The following CCNJL variants were observed in gnomAD, a reference collection of about 807,000 sequenced individuals.
CCNJL encodes the protein cyclin-J-like protein.
In CCNJL, 33 loss-of-function variants were observed where a neutral mutation model predicts 33.4. The ratio of observed to expected loss-of-function variants is 0.99; its 90% CI spans 0.75 to 1.32. CCNJL has a LOEUF of 1.32. Among genes scored for constraint, CCNJL ranks in the 40% most tolerant of loss-of-function variants. The pLI is 0.00. For synonymous variants in CCNJL, 227 were observed against 220.9 expected (o/e 1.03, Z -0.24); for missense variants, 512 against 499.7 (o/e 1.02, Z -0.23).
chr5:160,331,101 C>T lies in CCNJL; in HGVS notation n.206+8344G>A, dbSNP rs377195267. ...GGTCTTGCACCATCCATGGTCTCAGCGTCCAATAACTCCTCGACCACTCAC... is the reference window on the plus strand; with the variant it reads ...GGTCTTGCACCATCCATGGTCTCAGTGTCCAATAACTCCTCGACCACTCAC... On this transcript the variant is annotated intron_variant and non_coding_transcript_variant, in intron 1 of 7. Coordinates refer to the CCNJL transcript ENST00000377503. Among the ~76,000 whole-genome samples the T allele has an allele frequency of 3.3e-3, 506 of 152,266 alleles. 9 individuals carry two copies. Among genetic ancestry groups the T allele is most frequent in the African/African-American group, 0.011 (476 of 41,558 alleles).
chr5:160,267,673 C>G (rs1580962637), intron 3 of CCNJL, among the ~76,000 whole-genome samples: 1 of 152,090 alleles, frequency 6.6e-6, no homozygotes, highest in Non-Finnish European at 1.5e-5. Context: ...CAGCTTCACC[C>G]CATCTAACCG....
chr5:160,327,178 T>C (rs1335985473), intron 1 of CCNJL, among the ~76,000 whole-genome samples: 2 of 152,006 alleles, frequency 1.3e-5, no homozygotes, highest in African/African-American at 2.4e-5. Context: ...ACTCCAGCTG[T>C]GCCACCTATG....
intron 3 of CCNJL, among the ~76,000 whole-genome samples, chr5:160,275,322 G>C (rs1342708540): frequency 1.3e-5 from 2 of 152,040 alleles, no homozygotes; most frequent in Non-Finnish European, 2.9e-5. Context: ...CTGATCTCAA[G>C]TGATCTGCCC....
At chr5:160,334,299 C>T (rs1314695641) in intron 1 of CCNJL, among the ~76,000 whole-genome samples, 2 of 152,134 alleles carry the variant, frequency 1.3e-5, no homozygotes, top group Admixed American at 6.5e-5. Context: ...TGCCTACTCT[C>T]GATTCATGAT....
chr5:160,300,484 A>G (rs527289295), intron 2 of CCNJL, among the ~76,000 whole-genome samples: 4 of 152,318 alleles, frequency 2.6e-5, no homozygotes, highest in African/African-American at 9.6e-5. Context: ...GACAACTTTA[A>G]ATGTGGCAAG....
At chr5:160,320,846 T>C (rs866799886) in intron 1 of CCNJL, among the ~76,000 whole-genome samples, 2,745 of 78,176 alleles carry the variant, frequency 0.035, 13 homozygotes, top group Middle Eastern at 0.086. Context: ...TCTTTCTTTC[T>C]TTCCTTCTTT....
intron 2 of CCNJL, chr5:160,295,103 G>C (rs1345672653): frequency 6.6e-6 from 1 of 152,254 alleles, no homozygotes; most frequent in Non-Finnish European, 1.5e-5. Context: ...ATCCCCTGGG[G>C]ACCTATTTAA....
At chr5:160,263,187 G>A (rs1580954833) in intron 3 of CCNJL, among the ~76,000 whole-genome samples, 1 of 152,240 alleles carries the variant, frequency 6.6e-6, no homozygotes, top group East Asian at 1.9e-4. Context: ...GGTTTTGTTA[G>A]ACCATTTCTA....
chr5:160,259,888 G>T, intron 3 of CCNJL, 117 bp from the exon 4 acceptor site: 1 of 825,676 alleles, frequency 1.2e-6, no homozygotes, highest in Non-Finnish European at 2.0e-6. Flanking sequence ...AAAGCAGACA[G>T]GCCAGACTGC....
intron 2 of CCNJL, among the ~76,000 whole-genome samples, chr5:160,303,720 GTGTGTGTCT>G (rs1561804144): frequency 1.1e-5 from 1 of 87,842 alleles, no homozygotes; most frequent in Admixed American, 1.2e-4. Flanking sequence ...GTGTGTGTGT[GTGTGTGTCT>G]GTGTGTGTGT....
intron 3 of CCNJL, among the ~76,000 whole-genome samples, chr5:160,273,708 G>A (rs144903786): frequency 0.01 from 1,444 of 143,798 alleles, 22 homozygotes; most frequent in African/African-American, 0.035. Context: ...GTACAGTGGC[G>A]CGATCTTGGC....
At chr5:160,313,484 C>A (rs1015337982), upstream of CCNJL, among the ~76,000 whole-genome samples, 1 of 152,162 alleles carries the variant, frequency 6.6e-6, no homozygotes. Context: ...ACTCAGTAAA[C>A]AACTGTGACT....
chr5:160,266,488 C>T (rs1761593621), intron 3 of CCNJL, among the ~76,000 whole-genome samples: 1 of 152,180 alleles, frequency 6.6e-6, no homozygotes, highest in African/African-American at 2.4e-5. Context: ...CAGAAACAGG[C>T]AGGAATGTCC....
In CCNJL at chr5:160,282,310, A is replaced by G. The variant is rs1011485639; in HGVS notation, c.67-1572T>C. Among the ~76,000 whole-genome samples the G allele has an allele frequency of 4.0e-5, 6 of 151,706 alleles. 1 individual carries two copies. In the South Asian group the frequency reaches 1.2e-3, roughly 31 times the overall value. On this transcript the variant is annotated intron_variant, in intron 2 of 5. Coordinates refer to ENST00000257536, the MANE Select transcript of CCNJL (RefSeq NM_001308173.3). ...CTAGGCACTGGGGATGCAATCTGGA[A>G]TAAGATAGACATAGACATAAACGTT... is the stretch of plus-strand genomic sequence containing the variant.
chr5:160,328,403 G>T (rs1411712273), intron 1 of CCNJL, among the ~76,000 whole-genome samples: 1 of 152,116 alleles, frequency 6.6e-6, no homozygotes, highest in Non-Finnish European at 1.5e-5. Context: ...CCGGTGGCTT[G>T]GACTGGTGTT....
upstream of CCNJL, among the ~76,000 whole-genome samples, chr5:160,313,974 A>T (rs1278539870): frequency 6.6e-6 from 1 of 152,228 alleles, no homozygotes; most frequent in African/African-American, 2.4e-5. Flanking sequence ...TTGAGACCAA[A>T]CTGGCTAACA....
chr5:160,281,640 ATTTGTTTGTTTG>A lies in CCNJL; in HGVS notation c.67-914_67-903del, dbSNP rs111576182. 5.7e-4 allele frequency among the ~76,000 whole-genome samples: 87 copies of A among 151,820 alleles called. No homozygotes were observed. The South Asian group carries it at 7.3e-3, about 13-fold the overall frequency. ...GTTCAATCAAAGAAGATTAGACACT[ATTTGTTTGTTTG>A]TTTGTTTGTTTGTTTAAGAGAGGAG... On this transcript the variant is annotated intron_variant, in intron 2 of 5. Transcript: ENST00000257536.
chr5:160,320,969 T>TCTCC (rs1258270763), intron 1 of CCNJL, among the ~76,000 whole-genome samples: 2 of 132,898 alleles, frequency 1.5e-5, no homozygotes, highest in Non-Finnish European at 3.2e-5. Flanking sequence ...CCTCTCTGTC[T>TCTCC]CTCCCTCCCT....
At chr5:160,299,989 T>A (rs904457885) in intron 2 of CCNJL, among the ~76,000 whole-genome samples, 2 of 152,138 alleles carry the variant, frequency 1.3e-5, no homozygotes, top group Non-Finnish European at 2.9e-5. Flanking sequence ...TCTCCAACTT[T>A]CCCTTACAAT....
Sources: gnomAD v4.1 joint callset for allele counts (sites outside exome capture counted in the v4.1 genomes callset) on GRCh38, gnomAD v4.1.1 for gene constraint, MANE v1.5 for transcripts, NCBI Gene and HGNC (gene_info 2026-07-23, HGNC 2026-07-21) for gene names.